Variants in SOS1 observed in about 807,000 individuals in gnomAD.
SOS1 encodes SOS Ras/Rac guanine nucleotide exchange factor 1, also known as son of sevenless homolog 1.
A neutral mutation model predicts 157.6 loss-of-function variants in SOS1; 25 were observed. The observed-to-expected ratio is 0.16, with a 90% CI of 0.12 to 0.22. SOS1 has a LOEUF of 0.22. Ranked by LOEUF, SOS1 falls within the 10% of genes least tolerant of loss-of-function variation. The pLI, the probability that SOS1 is intolerant of heterozygous loss-of-function variation, is 1.00. For synonymous variants in SOS1, 528 were observed against 534.0 expected, an observed-to-expected ratio of 0.99 and a Z score of 0.16; for missense variants, 1,237 against 1,599.1, an observed-to-expected ratio of 0.77 and a Z score of 3.86.
chr2:38,984,470 T>C lies in SOS1; in HGVS notation c.*1354A>G, dbSNP rs1167283480. On this transcript the variant is annotated 3_prime_UTR_variant, in exon 23 of 23. Coordinates refer to ENST00000402219, the MANE Select transcript of SOS1 (RefSeq NM_005633.4). ...GTTCAATATAAACCTTAACAAACTG[T>C]ATACTTGTTGCTTAGGAACTTAAAA... 6.6e-6 allele frequency: 1 copy of C among 150,760 alleles called. No individual in the cohort carries two copies. Among genetic ancestry groups the C allele is most frequent in the Non-Finnish European group, 1.5e-5 (1 of 68,018 alleles). The allele number at this position is 150,760 out of a possible 1,614,324, so 9.3% of individuals were successfully genotyped here.
Position 38,989,530 on chromosome 2 carries a change from C to A in SOS1, c.3347-216G>T, listed in dbSNP as rs551254400. Among the ~76,000 whole-genome samples the A allele has an allele frequency of 1.3e-3, 179 of 135,750 alleles. 1 individual carries two copies. The highest frequency in any genetic ancestry group is 4.9e-3 in the African/African-American group (177 of 35,876). The allele number at this position is 135,750 out of a possible 152,430, so 89.1% of individuals were successfully genotyped here. On this transcript the variant is annotated intron_variant, in intron 20 of 22. Coordinates refer to ENST00000402219, the MANE Select transcript of SOS1 (RefSeq NM_005633.4). ...GATTCCTTTTAGCTTTACTTGATTTCATAATTATTAAATGAAAAACATTCA... is the reference window on the plus strand; with the variant it reads ...GATTCCTTTTAGCTTTACTTGATTTAATAATTATTAAATGAAAAACATTCA...
upstream of SOS1, among the ~76,000 whole-genome samples, chr2:39,122,519 A>G (rs1673929880): frequency 6.6e-6 from 1 of 151,590 alleles, no homozygotes; most frequent in South Asian, 2.1e-4. Flanking sequence ...CTGTAATCCC[A>G]GCACTTTGGG....
intron 4 of SOS1, among the ~76,000 whole-genome samples, chr2:39,056,260 C>G (rs548689242): frequency 1.3e-5 from 2 of 151,828 alleles, no homozygotes; most frequent in South Asian, 2.1e-4. Flanking sequence ...ACTAAAAATA[C>G]AAAAAAATTA....
At chr2:39,111,853 C>G (rs1322446295) in intron 1 of SOS1, among the ~76,000 whole-genome samples, 2 of 152,040 alleles carry the variant, frequency 1.3e-5, no homozygotes, top group African/African-American at 4.8e-5. Flanking sequence ...CCTCAGCCTC[C>G]CGAACAGCTG....
At chr2:39,032,350 T>C (rs1670190686) in intron 8 of SOS1, among the ~76,000 whole-genome samples, 1 of 152,222 alleles carries the variant, frequency 6.6e-6, no homozygotes, top group Admixed American at 6.5e-5. Flanking sequence ...TCTTATACTA[T>C]TAATAGCTAA....
rs1022820895 is a variant in SOS1 at position 38,987,498 on chromosome 2, G to A, written c.3485C>T (p.Ala1162Val). 1.9e-6 allele frequency: 3 copies of A among 1,591,048 alleles called. No individual in the cohort carries two copies. The highest frequency in any genetic ancestry group is 3.4e-5 in the Admixed American group (2 of 59,230). The change falls in exon 22 of 23, where the codon GCC becomes GTC. Residue 1162 changes from alanine to valine, a missense_variant. By Grantham distance (64) the Ala-to-Val change is moderately conservative. This residue lies in a region of SOS1 where 306 missense variants were observed against 322.6 expected (regional missense o/e 0.95). Transcript: ENST00000402219. ...PVPPRRRPES[A>V]PAESSPSKIM... is the part of the protein sequence containing the mutation. ...CTTAGATGGTGAAGATTCTGCTGGG[G>A]CAGATTCTGGTCGTCTTCGTGGAGG...
At chr2:39,095,732 G>C (rs1000986922) in intron 1 of SOS1, among the ~76,000 whole-genome samples, 4 of 152,288 alleles carry the variant, frequency 2.6e-5, no homozygotes, top group African/African-American at 7.2e-5. Context: ...ATATAGGATA[G>C]AGCCATGTGC....
chr2:39,093,071 A>G (rs1672647552), intron 1 of SOS1, among the ~76,000 whole-genome samples: 1 of 152,218 alleles, frequency 6.6e-6, no homozygotes, highest in Admixed American at 6.5e-5. Context: ...AATACTACAG[A>G]AATACTTTTT....
intron 17 of SOS1, among the ~76,000 whole-genome samples, chr2:39,006,050 A>G (rs1426002526): frequency 2.0e-5 from 3 of 152,162 alleles, no homozygotes; most frequent in Admixed American, 2.0e-4. Context: ...CACAGCAGGC[A>G]CACTATGATT....
chr2:39,055,259 T>C (rs544523245), intron 4 of SOS1, among the ~76,000 whole-genome samples: 85 of 152,320 alleles, frequency 5.6e-4, no homozygotes, highest in African/African-American at 2.0e-3. Flanking sequence ...TAAGCTATTA[T>C]TTTCTGCAAG....
At chr2:39,018,388 C>T (rs559640622) in intron 10 of SOS1, among the ~76,000 whole-genome samples, 7 of 151,712 alleles carry the variant, frequency 4.6e-5, no homozygotes, top group Admixed American at 1.3e-4. Flanking sequence ...AAGGTTTCCA[C>T]CATGTTCACT....
chr2:39,041,223 A>G (rs904091745), intron 6 of SOS1, among the ~76,000 whole-genome samples: 1 of 151,988 alleles, frequency 6.6e-6, no homozygotes, highest in African/African-American at 2.4e-5. Context: ...ATCCTGGGCA[A>G]ATTTTCTAAT....
At chr2:39,051,073 T>A in intron 6 of SOS1, 71 bp downstream of exon 6, 1 of 1,386,308 alleles carries the variant, frequency 7.2e-7, no homozygotes, top group Non-Finnish European at 1.0e-6. Flanking sequence ...TGGAAAGAAG[T>A]AAGACTCTCA....
At chr2:39,067,041 C>CA (rs1671610444) in intron 2 of SOS1, among the ~76,000 whole-genome samples, 1 of 152,132 alleles carries the variant, frequency 6.6e-6, no homozygotes, top group Non-Finnish European at 1.5e-5. Flanking sequence ...AAACTTTTAG[C>CA]ATTTTTTTTT....
Position 38,985,054 on chromosome 2 carries a change from G to A in SOS1, c.*770C>T, listed in dbSNP as rs1203066089. On this transcript the variant is annotated 3_prime_UTR_variant, in exon 23 of 23. Transcript: ENST00000402219. ...CTAAATGCAAATAGAATAGTTGACAGTTATTTTTTTTTAAAAAGTTCTTCT... is the reference window on the plus strand; with the variant it reads ...CTAAATGCAAATAGAATAGTTGACAATTATTTTTTTTTAAAAAGTTCTTCT... The A allele has an allele frequency of 6.6e-6, 1 of 152,144 alleles. No homozygotes were observed. Among genetic ancestry groups the A allele is most frequent in the Non-Finnish European group, 1.5e-5 (1 of 68,036 alleles). 9.4% of individuals were successfully genotyped at this position (152,144 alleles called of 1,614,324 possible). A position where few individuals can be genotyped will look rare whatever the true frequency, so the allele number is the denominator to read the frequency against.
chr2:38,990,567 T>C lies in SOS1; in HGVS notation c.3347-1253A>G, dbSNP rs1668701639. On this transcript the variant is annotated intron_variant, in intron 20 of 22. Transcript: ENST00000402219. ...CTAGCTCTAGCGTTTACCCTACTTATATATGTCCCACTTTTCCTGGAAAAG... is the reference window on the plus strand; with the variant it reads ...CTAGCTCTAGCGTTTACCCTACTTACATATGTCCCACTTTTCCTGGAAAAG... 2.6e-5 allele frequency among the ~76,000 whole-genome samples: 4 copies of C among 152,282 alleles called. No individual in the cohort carries two copies. The East Asian group carries it at 5.8e-4, about 22-fold the overall frequency.
In SOS1 at chr2:39,120,417, C is replaced by A. The variant is rs1673827939; in HGVS notation, c.6G>T (p.Gln2His). 1.9e-6 allele frequency: 3 copies of A among 1,589,224 alleles called. No individual in the cohort carries two copies. The highest frequency in any genetic ancestry group is 2.3e-5 in the South Asian group (2 of 88,594). Residue 2 changes from glutamine to histidine, a missense_variant, in exon 1 of 23, where the codon CAG (glutamine) becomes CAT (histidine). By Grantham distance (24) the Gln-to-His change is conservative (BLOSUM62 0). Transcript: ENST00000402219. ...AAAACTCGTAGGGCAGCTGCTGCGC[C>A]TGCATGGTGCCCCCGGGGCGCCTCT... is the stretch of plus-strand genomic sequence containing the variant. M[Q>H]AQQLPYEFFS...
chr2:39,100,918 C>T (rs1001332812), intron 1 of SOS1, among the ~76,000 whole-genome samples: 3 of 151,812 alleles, frequency 2.0e-5, no homozygotes, highest in African/African-American at 7.3e-5. Flanking sequence ...GACCTTGTCT[C>T]AAAAAAATAA....
At chr2:38,991,269 AGCCTG>A (rs944831519) in intron 20 of SOS1, among the ~76,000 whole-genome samples, 1 of 152,206 alleles carries the variant, frequency 6.6e-6, no homozygotes, top group African/African-American at 2.4e-5. Context: ...AACTCACAAA[AGCCTG>A]GTAAATGCAA....
Sources: allele counts gnomAD v4.1 joint callset (sites outside exome capture counted in the v4.1 genomes callset), GRCh38; gene constraint gnomAD v4.1.1; regional missense constraint gnomAD v4.1.1; transcripts MANE v1.5; gene names NCBI Gene and HGNC (gene_info 2026-07-23, HGNC 2026-07-21).